The following DNAH11 variants were observed in gnomAD, a reference collection of about 807,000 sequenced individuals.
The protein encoded by DNAH11 is axonemal beta dynein heavy chain 11.
A neutral mutation model predicts 526.0 loss-of-function variants in DNAH11; 442 were observed. The observed-to-expected ratio is 0.84, with a 90% confidence interval of 0.78 to 0.91. The LOEUF (loss-of-function observed/expected upper bound fraction) is 0.91, where lower values mean the gene tolerates loss of function less well. Among genes scored for constraint, DNAH11 ranks in the 40% least tolerant of loss-of-function variants. The pLI is 0.00. For synonymous variants in DNAH11, 2,461 were observed against 1,935.9 expected, an observed-to-expected ratio of 1.27 and a Z score of -7.12; for missense variants, 6,989 against 5,448.7, an observed-to-expected ratio of 1.28 and a Z score of -8.90.
chr7:21,617,110 T>C (rs1256769127), intron 22 of DNAH11, among the ~76,000 whole-genome samples: 1 of 152,204 alleles, frequency 6.6e-6, no homozygotes, highest in Non-Finnish European at 1.5e-5. Flanking sequence ...TCACAATTGC[T>C]GATGTTTTTC....
intron 65 of DNAH11, among the ~76,000 whole-genome samples, chr7:21,839,174 C>T (rs1230551722): frequency 1.3e-5 from 2 of 152,114 alleles, no homozygotes; most frequent in Admixed American, 6.5e-5. Flanking sequence ...TTTTACCCAT[C>T]TTTCACTTGT....
intron 25 of DNAH11, among the ~76,000 whole-genome samples, chr7:21,633,056 G>C (rs1399304527): frequency 6.6e-6 from 1 of 152,128 alleles, no homozygotes; most frequent in African/African-American, 2.4e-5. Flanking sequence ...TTGTGCTGGC[G>C]ATCTCCCCTT....
At chr7:21,889,620 G>A (rs987667405) in intron 76 of DNAH11, among the ~76,000 whole-genome samples, 3 of 152,140 alleles carry the variant, frequency 2.0e-5, no homozygotes, top group Non-Finnish European at 4.4e-5. Flanking sequence ...TCACATTACA[G>A]TTTTGACTTG....
At position 21,851,801 on chromosome 7, in the gene DNAH11, T is replaced by C. The variant is rs181651991; in HGVS notation, c.10897-666T>C. Among the ~76,000 whole-genome samples the C allele has an allele frequency of 4.3e-4, 65 of 152,326 alleles. 3 individuals carry two copies. The East Asian group carries it at 0.011, about 26-fold the overall frequency. On this transcript the variant is annotated intron_variant, in intron 66 of 81. Transcript: ENST00000409508. Reference sequence around the variant, plus strand: ...CCTGTGACCTCCGTTCTCTGATGTATGTAGGAAGAATTGTTGATGAGTTTT... The same window carrying C: ...CCTGTGACCTCCGTTCTCTGATGTACGTAGGAAGAATTGTTGATGAGTTTT...
chr7:21,637,009 A>G (rs558847255), intron 26 of DNAH11, among the ~76,000 whole-genome samples: 10 of 152,284 alleles, frequency 6.6e-5, no homozygotes, highest in East Asian at 3.9e-4. Context: ...GAGAGTGACT[A>G]TTTCTCATAA....
chr7:21,857,455 T>G (rs914503585), intron 68 of DNAH11, among the ~76,000 whole-genome samples: 1 of 152,140 alleles, frequency 6.6e-6, no homozygotes, highest in African/African-American at 2.4e-5. Context: ...TTTTTCCTTT[T>G]GGTAGAAATT....
At chr7:21,886,410 G>A (rs538886757) in intron 76 of DNAH11, among the ~76,000 whole-genome samples, 1 of 152,284 alleles carries the variant, frequency 6.6e-6, no homozygotes, top group Admixed American at 6.5e-5. Context: ...TTTGGAGACA[G>A]TGCAAAAAAT....
At chr7:21,898,708 T>G (rs777357996) in intron 79 of DNAH11, among the ~76,000 whole-genome samples, 6 of 152,208 alleles carry the variant, frequency 3.9e-5, no homozygotes, top group Non-Finnish European at 8.8e-5. Context: ...ACTTCCTACC[T>G]TGCCCAATTG....
At chr7:21,557,520 C>T (rs766673290) in intron 2 of DNAH11, among the ~76,000 whole-genome samples, 2 of 152,104 alleles carry the variant, frequency 1.3e-5, no homozygotes, top group Non-Finnish European at 2.9e-5. Context: ...GAACAAGCTC[C>T]GTTGGTCCTA....
intron 30 of DNAH11, 59 bp downstream of exon 30, chr7:21,659,090 C>T (rs1782140207): frequency 3.0e-6 from 4 of 1,352,722 alleles, no homozygotes; most frequent in Non-Finnish European, 4.0e-6. Flanking sequence ...AAGCTTGCTT[C>T]ATTCATTCTT....
chr7:21,585,855 C>T (rs1784463721), intron 9 of DNAH11, among the ~76,000 whole-genome samples: 1 of 152,126 alleles, frequency 6.6e-6, no homozygotes, highest in African/African-American at 2.4e-5. Context: ...GCAAACCTTG[C>T]AGATCTCAGA....
intron 2 of DNAH11, among the ~76,000 whole-genome samples, chr7:21,549,383 C>CTCTGTCTGAATT (rs72494922): frequency 1.3e-5 from 2 of 151,836 alleles, no homozygotes; most frequent in East Asian, 1.9e-4. Context: ...TATTCCCATA[C>CTCTGTCTGAATT]TCTAAGGTTT....
intron 40 of DNAH11, among the ~76,000 whole-genome samples, chr7:21,708,687 C>G (rs528743777): frequency 1.3e-5 from 2 of 152,298 alleles, no homozygotes; most frequent in African/African-American, 4.8e-5. Context: ...ATAAGCCATT[C>G]ATTCTGGCCT....
Position 21,841,877 on chromosome 7 carries a change from G to C in DNAH11, c.10692-667G>C, listed in dbSNP as rs925479660. On this transcript the variant is annotated intron_variant, in intron 65 of 81. Coordinates refer to ENST00000409508, the MANE Select transcript of DNAH11 (RefSeq NM_001277115.2). ...ATCTGTCATTGCTTTTGAACTGTGT[G>C]GTGGTAGGAGGTGCTGCTTAAGATT... Among the ~76,000 whole-genome samples, 6 of 152,164 alleles carry C rather than the reference G, an allele frequency of 3.9e-5. 1 individual carries two copies. Among genetic ancestry groups the C allele is most frequent in the Admixed American group, 3.9e-4 (6 of 15,272 alleles).
chr7:21,801,384 G>A (rs1788988763), intron 62 of DNAH11, 109 bp downstream of exon 62: 1 of 1,413,730 alleles, frequency 7.1e-7, no homozygotes, highest in Admixed American at 2.3e-5. Flanking sequence ...TAACAACAAA[G>A]GATAATATTT....
rs1784514794 is a variant in DNAH11 at position 21,896,328 on chromosome 7, CT to C, written c.13049+1330del. On this transcript the variant is annotated intron_variant, in intron 79 of 81. Coordinates refer to ENST00000409508, the MANE Select transcript of DNAH11 (RefSeq NM_001277115.2). ...TGTTTCTGAAACTGTCCTCACTGCA[CT>C]CTCCTTCTTGATTGATAGTTTACTT... Among the ~76,000 whole-genome samples, 3 of 152,236 alleles carry C rather than the reference CT, an allele frequency of 2.0e-5. No homozygotes were observed. In the South Asian group the frequency reaches 6.2e-4, roughly 32 times the overall value.
chr7:21,799,127 A>G (rs1292856333), intron 61 of DNAH11, among the ~76,000 whole-genome samples: 2 of 152,158 alleles, frequency 1.3e-5, no homozygotes, highest in Non-Finnish European at 2.9e-5. Context: ...TGAGCTAGGT[A>G]ACATTATTAA....
At chr7:21,856,196 A>T (rs4722065) in intron 68 of DNAH11, among the ~76,000 whole-genome samples, 101,283 of 151,914 alleles carry the variant, frequency 0.67, 34,159 homozygotes, top group African/African-American at 0.71. Context: ...GGGGATTATA[A>T]TCTGTGTGCA....
chr7:21,609,857 G>C (rs1785445595), intron 20 of DNAH11, among the ~76,000 whole-genome samples: 1 of 152,180 alleles, frequency 6.6e-6, no homozygotes, highest in South Asian at 2.1e-4. Flanking sequence ...TGCTGTTAAG[G>C]GTGATACCCT....
Sources: allele counts gnomAD v4.1 joint callset (sites outside exome capture counted in the v4.1 genomes callset), GRCh38; gene constraint gnomAD v4.1.1; transcripts MANE v1.5; gene names NCBI Gene and HGNC (gene_info 2026-07-23, HGNC 2026-07-21).